The following AQP7B variants were observed in gnomAD, a reference collection of about 807,000 sequenced individuals.
The protein encoded by AQP7B is putative aquaporin-7B.
chr2:94,597,331 A>G, the AQP7B span, among the ~76,000 whole-genome samples: 1 of 152,198 alleles, frequency 6.6e-6, no homozygotes, highest in Non-Finnish European at 1.5e-5. Context: ...TGTTAGGGAA[A>G]TAGGCACTGC....
At chr2:94,602,862 A>T in the AQP7B span, among the ~76,000 whole-genome samples, 1 of 152,078 alleles carries the variant, frequency 6.6e-6, no homozygotes, top group South Asian at 2.1e-4. Context: ...TGTGTTCCTC[A>T]GTTTCCTTAA....
At chr2:94,603,177 A>C in the AQP7B span, 4 of 1,498,892 alleles carry the variant, frequency 2.7e-6, no homozygotes, top group South Asian at 4.7e-5. Context: ...CTTCTACAGC[A>C]AGTGTGCTGC....
the AQP7B span, among the ~76,000 whole-genome samples, chr2:94,598,979 T>C: frequency 6.6e-6 from 1 of 152,112 alleles, no homozygotes; most frequent in Non-Finnish European, 1.5e-5. Context: ...ATTTTTTGTA[T>C]CTTTAGTAGA....
At chr2:94,602,300 G>A in the AQP7B span, among the ~76,000 whole-genome samples, 13 of 152,068 alleles carry the variant, frequency 8.5e-5, no homozygotes, top group African/African-American at 2.9e-4. Context: ...GGACTGAGAG[G>A]CCTCAGCAGG....
chr2:94,603,110 C>T, the AQP7B span: 1 of 1,572,448 alleles, frequency 6.4e-7, no homozygotes, highest in Non-Finnish European at 8.7e-7. Context: ...AGTTTCCAGT[C>T]CATGTGCTGG....
chr2:94,594,765 G>T, the AQP7B span: 5 of 1,580,682 alleles, frequency 3.2e-6, no homozygotes, highest in African/African-American at 1.3e-5. Flanking sequence ...GCTCCAAAAT[G>T]GTCTCCTGGT....
chr2:94,587,963 C>T, the AQP7B span, among the ~76,000 whole-genome samples: 16 of 152,110 alleles, frequency 1.1e-4, no homozygotes, highest in East Asian at 3.1e-3. Context: ...GGGCTACCTT[C>T]ATGCTGTCAG....
the AQP7B span, among the ~76,000 whole-genome samples, chr2:94,601,004 G>A: frequency 2.0e-5 from 3 of 152,214 alleles, no homozygotes; most frequent in East Asian, 5.8e-4. Flanking sequence ...CCTGATCATG[G>A]CACTGCACTC....
At chr2:94,602,442 G>T in the AQP7B span, 4 of 1,565,980 alleles carry the variant, frequency 2.6e-6, no homozygotes, top group Non-Finnish European at 3.5e-6. Flanking sequence ...GCCCTCCTCT[G>T]AGGTTGGGGC....
the AQP7B span, among the ~76,000 whole-genome samples, chr2:94,601,141 G>T: frequency 6.6e-6 from 1 of 152,220 alleles, no homozygotes; most frequent in Non-Finnish European, 1.5e-5. Flanking sequence ...TCTGGCACAG[G>T]TAACTGCCTG....
chr2:94,603,814 G>C, the AQP7B span: 2 of 1,508,520 alleles, frequency 1.3e-6, no homozygotes, highest in Admixed American at 1.7e-5. Context: ...AAGCATCCTC[G>C]TGGTCATCAT....
chr2:94,604,359 A>G, the AQP7B span: 1 of 1,611,334 alleles, frequency 6.2e-7, no homozygotes, highest in Admixed American at 1.7e-5. Context: ...GGCATCATCT[A>G]CCTGGTCTTC....
At chr2:94,594,700 A>T in the AQP7B span, 3 of 1,369,288 alleles carry the variant, frequency 2.2e-6, no homozygotes, top group South Asian at 3.5e-5. Context: ...CAGCAGGCAA[A>T]CTTGAGTCTC....
the AQP7B span, among the ~76,000 whole-genome samples, chr2:94,593,970 G>A: frequency 6.6e-6 from 1 of 152,158 alleles, no homozygotes; most frequent in Non-Finnish European, 1.5e-5. Flanking sequence ...TGAGGATCTA[G>A]TTGAGAGTAA....
chr2:94,602,415 C>A, the AQP7B span: 4 of 1,442,348 alleles, frequency 2.8e-6, no homozygotes, highest in Non-Finnish European at 3.8e-6. Flanking sequence ...GGGTGAGGAG[C>A]TAGAACTGAG....
chr2:94,587,408 G>A, the AQP7B span, among the ~76,000 whole-genome samples: 5 of 152,220 alleles, frequency 3.3e-5, no homozygotes, highest in Admixed American at 3.3e-4. Flanking sequence ...CATTTCAGGA[G>A]AGTGAGTGGG....
chr2:94,600,746 G>A, the AQP7B span, among the ~76,000 whole-genome samples: 2 of 152,138 alleles, frequency 1.3e-5, no homozygotes, highest in African/African-American at 4.8e-5. Context: ...GGGCATGGTG[G>A]CGTGCACCTA....
the AQP7B span, among the ~76,000 whole-genome samples, chr2:94,590,340 G>A: frequency 1.1e-4 from 16 of 152,008 alleles, no homozygotes; most frequent in Non-Finnish European, 2.2e-4. Flanking sequence ...CTACCACCAC[G>A]CCCAGCTAAT....
chr2:94,595,972 A>AGGATG, the AQP7B span, among the ~76,000 whole-genome samples: 1 of 152,204 alleles, frequency 6.6e-6, no homozygotes, highest in East Asian at 1.9e-4. Context: ...GAAAGAGAAA[A>AGGATG]GGATGGTTTG....
Sources: allele counts gnomAD v4.1 joint callset (sites outside exome capture counted in the v4.1 genomes callset), GRCh38; gene constraint gnomAD v4.1.1; transcripts MANE v1.5; gene names NCBI Gene and HGNC (gene_info 2026-07-23, HGNC 2026-07-21).